NALF1: variants seen among roughly 807,000 people sequenced by gnomAD.
NALF1 encodes NALCN channel auxiliary factor 1.
NALF1 carries 3 observed loss-of-function variants against 48.4 expected under a neutral mutation model. The ratio of observed to expected loss-of-function variants is 0.06; its 90% CI spans 0.03 to 0.16. The LOEUF (loss-of-function observed/expected upper bound fraction) is 0.16. NALF1 is among the 10% of genes least tolerant of loss of function. The pLI is 1.00. For missense variants in NALF1, 526 were observed against 571.5 expected, an observed-to-expected ratio of 0.92 and a Z score of 0.81; for synonymous variants, 262 against 245.7, an observed-to-expected ratio of 1.07 and a Z score of -0.62.
rs1162580328 is a variant in NALF1, at chr13:107,392,700, CATGCATGTGTGTGT to C, written c.916-181959_916-181946del. ...AAGCATGTGTGTGTGTGTGCGCGTG[CATGCATGTGTGTGT>C]AATCTCAAGTAATACACTGGGGTCT... On this transcript the variant is annotated intron_variant, in intron 1 of 2. Coordinates refer to ENST00000375915, the MANE Select transcript of NALF1 (RefSeq NM_001080396.3). 7.2e-5 allele frequency among the ~76,000 whole-genome samples: 11 copies of C among 152,130 alleles called. No homozygotes were observed. The East Asian group carries it at 2.1e-3, about 30-fold the overall frequency.
rs1162402355 is a variant in NALF1 at position 107,163,689 on chromosome 13, A to G, written c.*6808T>C. On this transcript the variant is annotated 3_prime_UTR_variant, in exon 3 of 3. Coordinates refer to ENST00000375915, the MANE Select transcript of NALF1 (RefSeq NM_001080396.3). ...TTATTCCGTGTTCATATTCACATAAAAAAGTACTTGAGTACATTCAGAAAA... is the reference window on the plus strand; with the variant it reads ...TTATTCCGTGTTCATATTCACATAAGAAAGTACTTGAGTACATTCAGAAAA... 1 of 152,204 alleles carries G rather than the reference A, an allele frequency of 6.6e-6. No homozygotes were observed. Among genetic ancestry groups the G allele is most frequent in the Non-Finnish European group, 1.5e-5 (1 of 68,008 alleles). The allele number at this position is 152,204 out of a possible 1,614,324, so 9.4% of individuals were successfully genotyped here.
intron 1 of NALF1, among the ~76,000 whole-genome samples, chr13:107,307,768 T>C (rs768110057): frequency 2.6e-5 from 4 of 152,142 alleles, no homozygotes; most frequent in Non-Finnish European, 5.9e-5. Flanking sequence ...CTAAAGACAA[T>C]TCACCCTTTA....
At chr13:107,783,436 G>C (rs1253669225) in intron 1 of NALF1, among the ~76,000 whole-genome samples, 2 of 152,208 alleles carry the variant, frequency 1.3e-5, no homozygotes, top group Non-Finnish European at 2.9e-5. Flanking sequence ...GAAAGGCAGG[G>C]AAAGGATTGA....
chr13:107,363,593 G>A (rs1883102615), intron 1 of NALF1, among the ~76,000 whole-genome samples: 1 of 151,978 alleles, frequency 6.6e-6, no homozygotes, highest in Admixed American at 6.6e-5. Context: ...AACAGTGAAT[G>A]GACTGTTTAA....
intron 1 of NALF1, among the ~76,000 whole-genome samples, chr13:107,521,674 T>C (rs1336277817): frequency 6.6e-6 from 1 of 152,016 alleles, no homozygotes; most frequent in Non-Finnish European, 1.5e-5. Flanking sequence ...CGTATGTGCT[T>C]CAAGAGGAGT....
At position 107,858,389 on chromosome 13, in the gene NALF1, A is replaced by G. The variant is rs138962499; in HGVS notation, c.915+7293T>C. Among the ~76,000 whole-genome samples the G allele has an allele frequency of 2.0e-5, 3 of 152,350 alleles. No homozygotes were observed. The East Asian group carries it at 5.8e-4, about 29-fold the overall frequency. ...CATTTACAGTGATGAAGTGACCCTA[A>G]TATTTAAATTACCCATCTCGGCTGG... On this transcript the variant is annotated intron_variant, in intron 1 of 2. Coordinates refer to ENST00000375915, the MANE Select transcript of NALF1 (RefSeq NM_001080396.3).
chr13:107,767,579 C>G (rs1877450453), intron 1 of NALF1, among the ~76,000 whole-genome samples: 1 of 152,152 alleles, frequency 6.6e-6, no homozygotes, highest in Non-Finnish European at 1.5e-5. Flanking sequence ...GCAAGTGTAT[C>G]TGAAAGTTAG....
At chr13:107,199,963 G>T (rs529269390) in intron 2 of NALF1, among the ~76,000 whole-genome samples, 2 of 151,364 alleles carry the variant, frequency 1.3e-5, no homozygotes, top group Admixed American at 1.3e-4. Flanking sequence ...GCTTCTTCTT[G>T]CTCAAAGGAC....
intron 1 of NALF1, among the ~76,000 whole-genome samples, chr13:107,221,375 C>T (rs986630282): frequency 1.3e-5 from 2 of 152,094 alleles, no homozygotes; most frequent in Non-Finnish European, 2.9e-5. Context: ...CTCAGGAGTT[C>T]AAGACCAGCC....
chr13:107,484,911 C>T (rs1242219271), intron 1 of NALF1, among the ~76,000 whole-genome samples: 1 of 152,120 alleles, frequency 6.6e-6, no homozygotes, highest in Non-Finnish European at 1.5e-5. Flanking sequence ...GAAAGCCTCT[C>T]AGAGAAATCC....
At chr13:107,445,557 C>T (rs575592245) in intron 1 of NALF1, among the ~76,000 whole-genome samples, 17 of 152,242 alleles carry the variant, frequency 1.1e-4, no homozygotes, top group Non-Finnish European at 2.1e-4. Context: ...AATACAAATT[C>T]GTCTCTTTGA....
At chr13:107,274,757 T>C (rs540212838) in intron 1 of NALF1, among the ~76,000 whole-genome samples, 13 of 152,132 alleles carry the variant, frequency 8.5e-5, no homozygotes, top group African/African-American at 3.1e-4. Context: ...TTTAGAAAGA[T>C]GGACCCTTTA....
At position 107,270,839 on chromosome 13, in the gene NALF1, G is replaced by T. The variant is rs1199886299; in HGVS notation, c.916-60084C>A. 5.1e-5 allele frequency among the ~76,000 whole-genome samples: 6 copies of T among 117,902 alleles called. No homozygotes were observed. In the South Asian group the frequency reaches 1.2e-3, roughly 24 times the overall value. The allele number at this position is 117,902 out of a possible 152,430, so 77.3% of individuals were successfully genotyped here. ...CTCCCTCCACCCCACAACAGGCCCC[G>T]GTGTGTGATGTTCCCCTTCCTGTGT... On this transcript the variant is annotated intron_variant, in intron 1 of 2. Transcript: ENST00000375915.
rs1245205635 is a variant in NALF1 at position 107,299,487 on chromosome 13, TAAAA to T, written c.916-88736_916-88733del. On this transcript the variant is annotated intron_variant, in intron 1 of 2. Coordinates refer to ENST00000375915, the MANE Select transcript of NALF1 (RefSeq NM_001080396.3). ...TAATAATAATAAATAAATAAATAAA[TAAAA>T]AAGAAGGATATAATTTGAGGCTACA... Among the ~76,000 whole-genome samples, 533 of 141,990 alleles carry T rather than the reference TAAAA, an allele frequency of 3.8e-3. 3 individuals are homozygous for T. Among genetic ancestry groups the T allele is most frequent in the Non-Finnish European group, 5.1e-3 (336 of 65,870 alleles). 93.2% of individuals were successfully genotyped at this position (141,990 alleles called of 152,430 possible).
At chr13:107,707,396 C>T (rs978893841) in intron 1 of NALF1, among the ~76,000 whole-genome samples, 7 of 151,944 alleles carry the variant, frequency 4.6e-5, no homozygotes, top group South Asian at 2.1e-4. Context: ...TTGTTTTGGC[C>T]GCCTCACTTT....
intron 1 of NALF1, among the ~76,000 whole-genome samples, chr13:107,610,911 T>G (rs1879207542): frequency 6.6e-6 from 1 of 152,138 alleles, no homozygotes; most frequent in African/African-American, 2.4e-5. Context: ...ACATTGGCAC[T>G]GTGTGGAGGA....
chr13:107,600,591 T>C (rs1490737282), intron 1 of NALF1, among the ~76,000 whole-genome samples: 4 of 152,238 alleles, frequency 2.6e-5, no homozygotes, highest in Admixed American at 6.5e-5. Context: ...GTCACATGTT[T>C]ATTGTGTATC....
chr13:107,750,960 T>C (rs899192034), intron 1 of NALF1, among the ~76,000 whole-genome samples: 4 of 152,020 alleles, frequency 2.6e-5, no homozygotes, highest in African/African-American at 4.8e-5. Flanking sequence ...CAAATGAAAG[T>C]TGGACAGGTG....
chr13:107,649,699 A>G (rs184564035), intron 1 of NALF1, among the ~76,000 whole-genome samples: 1 of 152,316 alleles, frequency 6.6e-6, no homozygotes, highest in African/African-American at 2.4e-5. Flanking sequence ...TTATTTTTTA[A>G]ATGTCATGGC....
Sources: allele counts gnomAD v4.1 joint callset (sites outside exome capture counted in the v4.1 genomes callset), GRCh38; gene constraint gnomAD v4.1.1; transcripts MANE v1.5; gene names NCBI Gene and HGNC (gene_info 2026-07-23, HGNC 2026-07-21).